PDE5A: variants seen among roughly 807,000 people sequenced by gnomAD.
The protein encoded by PDE5A is cGMP-specific 3',5'-cyclic phosphodiesterase.
PDE5A carries 67 observed loss-of-function variants against 110.2 expected under a neutral mutation model. That is an observed-to-expected ratio of 0.61 (90% CI 0.50 to 0.75). PDE5A has a LOEUF of 0.75. Among genes scored for constraint, PDE5A ranks in the 30% least tolerant of loss-of-function variants. The pLI is 0.00. For synonymous variants in PDE5A, 328 were observed against 351.2 expected, an observed-to-expected ratio of 0.93 and a Z score of 0.74; for missense variants, 862 against 1,045.1, an observed-to-expected ratio of 0.82 and a Z score of 2.42.
At chr4:119,607,494 T>C (rs182847932) in intron 1 of PDE5A, among the ~76,000 whole-genome samples, 197 bp from the exon 2 acceptor site, 1 of 152,198 alleles carries the variant, frequency 6.6e-6, no homozygotes, top group Non-Finnish European at 1.5e-5. Flanking sequence ...TCCACCACCT[T>C]GGGAGGCTGA....
intron 9 of PDE5A, among the ~76,000 whole-genome samples, chr4:119,543,547 C>T (rs924641747): frequency 3.3e-5 from 5 of 152,156 alleles, no homozygotes; most frequent in African/African-American, 7.2e-5. Flanking sequence ...TGACTATTCT[C>T]ATTTTACAGA....
At chr4:119,540,964 G>A (rs1484503471) in intron 10 of PDE5A, among the ~76,000 whole-genome samples, 1 of 152,088 alleles carries the variant, frequency 6.6e-6, no homozygotes, top group South Asian at 2.1e-4. Flanking sequence ...CTGAAAGAGA[G>A]CTACAAAGAT....
chr4:119,553,868 T>G, intron 7 of PDE5A, 122 bp from the exon 8 acceptor site: 1 of 591,698 alleles, frequency 1.7e-6, no homozygotes, highest in Non-Finnish European at 3.0e-6. Context: ...TATACTTATT[T>G]GGAAAATGTA....
At chr4:119,608,844 A>G (rs1729634251) in intron 1 of PDE5A, among the ~76,000 whole-genome samples, 1 of 152,190 alleles carries the variant, frequency 6.6e-6, no homozygotes, top group Non-Finnish European at 1.5e-5. Context: ...GTCACTCTCC[A>G]AAGTTTTTGG....
At chr4:119,562,773 G>T in intron 6 of PDE5A, 60 bp downstream of exon 6, 2 of 1,375,280 alleles carry the variant, frequency 1.5e-6, no homozygotes, top group Non-Finnish European at 9.7e-7. Context: ...TAAAAGTAGT[G>T]CTTATAGAAA....
intron 18 of PDE5A, among the ~76,000 whole-genome samples, chr4:119,503,580 G>C (rs530649241): frequency 2.2e-4 from 33 of 152,180 alleles, no homozygotes; most frequent in African/African-American, 7.9e-4. Context: ...GTCATTAAAG[G>C]GATGACCTTA....
rs1434264633 is a variant in PDE5A, at chr4:119,495,176, T to C, written c.*3425A>G. On this transcript the variant is annotated 3_prime_UTR_variant, in exon 21 of 21. Transcript: ENST00000354960. ...TGATGAAAATGGAAATGATGCAGTA[T>C]ACCCCATGTTCTCACATTAAATTGG... is the stretch of plus-strand genomic sequence containing the variant. 1 of 152,156 alleles carries C rather than the reference T, an allele frequency of 6.6e-6. No individual in the cohort carries two copies. The highest frequency in any genetic ancestry group is 2.4e-5 in the African/African-American group (1 of 41,450). 9.4% of individuals were successfully genotyped at this position (152,156 alleles called of 1,614,324 possible).
intron 15 of PDE5A, among the ~76,000 whole-genome samples, chr4:119,508,257 C>A (rs992952417): frequency 6.6e-6 from 1 of 151,896 alleles, no homozygotes; most frequent in Non-Finnish European, 1.5e-5. Context: ...TGAAAGAAAG[C>A]GTGGGTTGAA....
intron 14 of PDE5A, among the ~76,000 whole-genome samples, chr4:119,518,617 A>G (rs975318129): frequency 4.6e-5 from 7 of 152,228 alleles, no homozygotes; most frequent in African/African-American, 1.7e-4. Flanking sequence ...CAGTTTTCCA[A>G]CAGAGTGCTA....
chr4:119,623,474 T>C (rs1238669727), intron 1 of PDE5A, among the ~76,000 whole-genome samples: 1 of 152,198 alleles, frequency 6.6e-6, no homozygotes, highest in Non-Finnish European at 1.5e-5. Flanking sequence ...ACAGCAATTA[T>C]AGGTTTAACT....
At chr4:119,519,263 T>C in intron 13 of PDE5A, 124 bp from the exon 14 acceptor site, 1 of 684,918 alleles carries the variant, frequency 1.5e-6, no homozygotes, top group East Asian at 2.7e-5. Flanking sequence ...TTCTCTATAG[T>C]CACAAAGGAC....
chr4:119,611,982 T>C (rs1220701424), intron 1 of PDE5A, among the ~76,000 whole-genome samples: 2 of 152,236 alleles, frequency 1.3e-5, no homozygotes, highest in African/African-American at 4.8e-5. Flanking sequence ...AAGACTAATA[T>C]CTATACTCCG....
In PDE5A at chr4:119,504,605, A is replaced by G. The variant is rs866709546; in HGVS notation, c.2268-6T>C. On this transcript the variant is annotated splice_polypyrimidine_tract_variant and splice_region_variant and intron_variant, in intron 17 of 20. Transcript: ENST00000354960. ...AAGCTGTCATCAGCATTGCCCTGTT[A>G]TGGAAAAAAGAAACCCAAAACTCCT... The G allele has an allele frequency of 1.2e-6, 2 of 1,610,820 alleles. No individual in the cohort carries two copies. The highest frequency in any genetic ancestry group is 3.3e-4 in the Middle Eastern group (2 of 6,036).
In PDE5A at chr4:119,605,638, C is replaced by T. The variant is rs533648964; in HGVS notation, c.741+1071G>A. On this transcript the variant is annotated intron_variant, in intron 2 of 20. Coordinates refer to ENST00000354960, the MANE Select transcript of PDE5A (RefSeq NM_001083.4). ...CTCCAGCCTGGATAGCAAAGTGAGA[C>T]TCCATCTCAAAAAAAAAAAGAAATT... 2.0e-5 allele frequency among the ~76,000 whole-genome samples: 3 copies of T among 151,908 alleles called. No homozygotes were observed. In the South Asian group the frequency reaches 6.3e-4, roughly 32 times the overall value.
intron 1 of PDE5A, among the ~76,000 whole-genome samples, chr4:119,618,164 C>T (rs1262575570): frequency 1.3e-5 from 2 of 152,078 alleles, no homozygotes; most frequent in Non-Finnish European, 2.9e-5. Flanking sequence ...TATTTACTCT[C>T]TTTGTAAAAT....
At position 119,607,289 on chromosome 4, in the gene PDE5A, A is replaced by G. The variant is rs1372903002; in HGVS notation, c.161T>C (p.Val54Ala). The G allele has an allele frequency of 6.2e-7, 1 of 1,607,674 alleles. No individual in the cohort carries two copies. Among genetic ancestry groups the G allele is most frequent in the East Asian group, 2.2e-5 (1 of 44,876 alleles). ...AACTCTCTCAGCAAACCATGCATTG[A>G]CCATTTCTCTGCAGAACAGAACGTG... ...YFVRKATREM[V>A]NAWFAERVHT... The change falls in exon 2 of 21, where the codon GTC becomes GCC. Residue 54 changes from valine (V) to alanine (A), a missense_variant. Coordinates refer to ENST00000354960, the MANE Select transcript of PDE5A (RefSeq NM_001083.4).
chr4:119,512,296 C>T (rs916348355), intron 14 of PDE5A: 1 of 152,160 alleles, frequency 6.6e-6, no homozygotes, highest in African/African-American at 2.4e-5. Context: ...GTTGTCCTAA[C>T]CTTTCCCAAA....
Position 119,502,590 on chromosome 4 carries a change from T to C in PDE5A, c.2397A>G (p.Ile799Met). 1 of 1,592,362 alleles carries C rather than the reference T, an allele frequency of 6.3e-7. No homozygotes were observed. The highest frequency in any genetic ancestry group is 8.6e-7 in the Non-Finnish European group (1 of 1,160,994). The change falls in exon 19 of 21, where the codon ATA becomes ATG. Residue 799 changes from isoleucine to methionine, a missense_variant. Physicochemically the swap from Ile to Met is conservative, Grantham distance 10 (BLOSUM62 1). Coordinates refer to ENST00000354960, the MANE Select transcript of PDE5A (RefSeq NM_001083.4). Reference protein sequence around the residue: ...QGDRERKELNIEPTDLMNREK... With the variant: ...QGDRERKELNMEPTDLMNREK... ...AAGGTTTCATACTTACAGTGGGTTCTATGTTGAGTTCTTTTCTCTCTCTGT... is the reference window on the plus strand; with the variant it reads ...AAGGTTTCATACTTACAGTGGGTTCCATGTTGAGTTCTTTTCTCTCTCTGT...
At chr4:119,543,045 T>C (rs62319605) in intron 9 of PDE5A, 525 of 124,448 alleles carry the variant, frequency 4.2e-3, no homozygotes, top group African/African-American at 9.2e-3. Context: ...AAGTTAAACA[T>C]ACACACACAC....
Sources: allele counts gnomAD v4.1 joint callset (sites outside exome capture counted in the v4.1 genomes callset), GRCh38; gene constraint gnomAD v4.1.1; transcripts MANE v1.5; gene names NCBI Gene and HGNC (gene_info 2026-07-23, HGNC 2026-07-21).